The following AP3B1 variants were observed in gnomAD, a reference collection of about 807,000 sequenced individuals.
AP3B1 encodes the protein AP-3 complex subunit beta-1.
AP3B1 carries 61 observed loss-of-function variants against 132.5 expected under a neutral mutation model. The ratio of observed to expected loss-of-function variants is 0.46; its 90% CI spans 0.37 to 0.57. AP3B1 has a LOEUF of 0.57. Ranked by LOEUF, AP3B1 falls within the 20% of genes least tolerant of loss-of-function variation. The probability of loss-of-function intolerance (pLI) is 0.00; values close to 1 mark genes in which losing one functional copy is unlikely to be tolerated. For synonymous variants in AP3B1, 388 were observed against 438.3 expected (o/e 0.89, Z 1.43); for missense variants, 1,120 against 1,289.4 (o/e 0.87, Z 2.01).
intron 22 of AP3B1, among the ~76,000 whole-genome samples, chr5:78,058,505 A>T (rs1561379630): frequency 6.6e-6 from 1 of 152,160 alleles, no homozygotes; most frequent in Non-Finnish European, 1.5e-5. Flanking sequence ...ATCTCAAAAA[A>T]AAAAATGTTA....
At chr5:78,058,672 C>T (rs901974689) in intron 22 of AP3B1, among the ~76,000 whole-genome samples, 2 of 152,094 alleles carry the variant, frequency 1.3e-5, no homozygotes, top group East Asian at 1.9e-4. Context: ...ATTTCCTTAA[C>T]TGTAGTTAAG....
intron 15 of AP3B1, among the ~76,000 whole-genome samples, chr5:78,138,788 A>G (rs1753018018): frequency 6.6e-6 from 1 of 152,068 alleles, no homozygotes; most frequent in African/African-American, 2.4e-5. Flanking sequence ...CCTGGCCAAC[A>G]CGGTGAAACC....
chr5:78,058,269 A>G (rs568393583), intron 22 of AP3B1, among the ~76,000 whole-genome samples: 22 of 152,254 alleles, frequency 1.4e-4, no homozygotes, highest in African/African-American at 4.6e-4. Flanking sequence ...TGGGAGGCCG[A>G]GGTGGGCAGA....
intron 21 of AP3B1, among the ~76,000 whole-genome samples, chr5:78,100,402 C>T (rs1311509583): frequency 1.3e-5 from 2 of 152,150 alleles, no homozygotes; most frequent in Non-Finnish European, 2.9e-5. Context: ...TATCTTTGTA[C>T]ACTTGGGTGA....
chr5:78,119,259 T>C (rs902706480), intron 17 of AP3B1, among the ~76,000 whole-genome samples: 1 of 152,182 alleles, frequency 6.6e-6, no homozygotes, highest in Non-Finnish European at 1.5e-5. Flanking sequence ...GCAGAGAAAC[T>C]GGAAACTCTA....
chr5:78,036,321 G>T (rs891563612), intron 23 of AP3B1, among the ~76,000 whole-genome samples: 11 of 152,088 alleles, frequency 7.2e-5, no homozygotes, highest in African/African-American at 2.7e-4. Context: ...AACTGGGAAA[G>T]CTTACCCAAT....
At position 78,211,637 on chromosome 5, in the gene AP3B1, C is replaced by T. The variant is rs1277670871; in HGVS notation, c.786+4418G>A. Among the ~76,000 whole-genome samples, 5 of 152,166 alleles carry T rather than the reference C, an allele frequency of 3.3e-5. 1 individual carries two copies. Among genetic ancestry groups the T allele is most frequent in the African/African-American group, 1.2e-4 (5 of 41,444 alleles). ...ATGTTTGCAAAAATTCAATAGGAAACATGATTTTTCTCTTTGAGAGCAAAT... is the reference window on the plus strand; with the variant it reads ...ATGTTTGCAAAAATTCAATAGGAAATATGATTTTTCTCTTTGAGAGCAAAT... On this transcript the variant is annotated intron_variant, in intron 7 of 26. Coordinates refer to ENST00000255194, the MANE Select transcript of AP3B1 (RefSeq NM_003664.5).
At chr5:78,274,321 G>T (rs1037812661) in intron 1 of AP3B1, among the ~76,000 whole-genome samples, 2 of 151,364 alleles carry the variant, frequency 1.3e-5, no homozygotes, top group African/African-American at 4.9e-5. Context: ...TTGAAGGCAG[G>T]TCAAGAGAAA....
chr5:78,094,634 T>C (rs1313188078), intron 21 of AP3B1, among the ~76,000 whole-genome samples: 1 of 152,080 alleles, frequency 6.6e-6, no homozygotes, highest in African/African-American at 2.4e-5. Context: ...TTCTGCCTAG[T>C]ATACCCTCCC....
intron 3 of AP3B1, among the ~76,000 whole-genome samples, chr5:78,229,093 C>T (rs372455826): frequency 1.1e-4 from 17 of 152,122 alleles, no homozygotes; most frequent in East Asian, 9.7e-4. Context: ...CCACCACACC[C>T]GGCTTTTTTT....
chr5:78,026,857 C>A (rs1200289890), intron 24 of AP3B1, among the ~76,000 whole-genome samples: 2 of 151,976 alleles, frequency 1.3e-5, no homozygotes, highest in East Asian at 3.9e-4. Flanking sequence ...TTTTTATTTC[C>A]CTAAATATTA....
chr5:78,046,472 A>G (rs1748335291), intron 22 of AP3B1, among the ~76,000 whole-genome samples: 1 of 152,184 alleles, frequency 6.6e-6, no homozygotes, highest in Non-Finnish European at 1.5e-5. Flanking sequence ...GGTGCCAAAA[A>G]GGGCTCTACA....
chr5:78,064,416 T>G (rs1749190782), intron 22 of AP3B1, among the ~76,000 whole-genome samples: 1 of 152,228 alleles, frequency 6.6e-6, no homozygotes, highest in African/African-American at 2.4e-5. Flanking sequence ...GTACTTTCCT[T>G]GTTAATCCTG....
intron 22 of AP3B1, among the ~76,000 whole-genome samples, chr5:78,057,029 T>C (rs1032315597): frequency 2.0e-5 from 3 of 152,214 alleles, no homozygotes; most frequent in Non-Finnish European, 4.4e-5. Flanking sequence ...TTCATTTTTA[T>C]ACAGGATATT....
chr5:78,236,201 T>C (rs1265564592), intron 3 of AP3B1, among the ~76,000 whole-genome samples: 1 of 152,212 alleles, frequency 6.6e-6, no homozygotes, highest in Non-Finnish European at 1.5e-5. Context: ...GTTCTCCTAC[T>C]GATAACTATT....
chr5:78,176,457 G>C (rs1744151267), intron 9 of AP3B1, among the ~76,000 whole-genome samples: 1 of 152,070 alleles, frequency 6.6e-6, no homozygotes, highest in Admixed American at 6.5e-5. Flanking sequence ...AGCCAGTCAA[G>C]AGCTACAATT....
chr5:78,268,498 C>G (rs1748422588), intron 1 of AP3B1, among the ~76,000 whole-genome samples: 2 of 152,208 alleles, frequency 1.3e-5, no homozygotes, highest in South Asian at 4.1e-4. Flanking sequence ...CCTGCTTGTT[C>G]CCCTTTTCTG....
At chr5:78,008,611 T>G (rs1044268676) in intron 26 of AP3B1, among the ~76,000 whole-genome samples, 3 of 152,206 alleles carry the variant, frequency 2.0e-5, no homozygotes, top group African/African-American at 7.2e-5. Context: ...AAAGAGGTTC[T>G]ACAAATCTTC....
chr5:78,178,117 C>A (rs1185535936), intron 8 of AP3B1, among the ~76,000 whole-genome samples: 1 of 152,150 alleles, frequency 6.6e-6, no homozygotes, highest in African/African-American at 2.4e-5. Context: ...TGCTCTGAGA[C>A]TGGGGCTTTT....
Sources: gnomAD v4.1 joint callset for allele counts (sites outside exome capture counted in the v4.1 genomes callset) on GRCh38, gnomAD v4.1.1 for gene constraint, MANE v1.5 for transcripts, NCBI Gene and HGNC (gene_info 2026-07-23, HGNC 2026-07-21) for gene names.